The following ZNF395 variants were observed in gnomAD, a reference collection of about 807,000 sequenced individuals.
The protein encoded by ZNF395 is HD gene regulatory region-binding protein 2.
Under a neutral mutation model 57.7 loss-of-function variants are expected in ZNF395, and 20 were observed. The ratio of observed to expected loss-of-function variants is 0.35; its 90% CI spans 0.24 to 0.50. The LOEUF is 0.50. ZNF395 is among the 20% of genes least tolerant of loss of function. The pLI is 0.97. For synonymous variants in ZNF395, 295 were observed against 275.9 expected (o/e 1.07, Z -0.69); for missense variants, 606 against 671.2 (o/e 0.90, Z 1.07).
At chr8:28,353,107 C>G in intron 5 of ZNF395, 66 bp downstream of exon 5, 1 of 1,527,670 alleles carries the variant, frequency 6.5e-7, no homozygotes, top group East Asian at 2.3e-5. Context: ...CTCTCCACGG[C>G]TGGCTGTCCC....
intron 1 of ZNF395, among the ~76,000 whole-genome samples, chr8:28,382,539 G>A (rs1448919416): frequency 6.6e-6 from 1 of 152,048 alleles, no homozygotes; most frequent in East Asian, 1.9e-4. Flanking sequence ...GTTCATCCCA[G>A]ACTTCCTTCC....
At position 28,363,700 on chromosome 8, in the gene ZNF395, C is replaced by T. The variant is rs139872234; in HGVS notation, c.-58-2518G>A. On this transcript the variant is annotated intron_variant, in intron 1 of 9. Coordinates refer to ENST00000344423, the MANE Select transcript of ZNF395 (RefSeq NM_018660.3). ...AGCAGGAAGTTTGGGGTTTCTACCA[C>T]TGAAAATGAAGAAAGGGTAGTATTT... is the stretch of plus-strand genomic sequence containing the variant. 2.4e-4 allele frequency among the ~76,000 whole-genome samples: 37 copies of T among 152,318 alleles called. 1 individual carries two copies. The East Asian group carries it at 5.8e-3, about 24-fold the overall frequency.
intron 1 of ZNF395, among the ~76,000 whole-genome samples, chr8:28,372,778 C>G (rs1231021944): frequency 6.6e-6 from 1 of 152,112 alleles, no homozygotes; most frequent in African/African-American, 2.4e-5. Flanking sequence ...AGAGTGAGAC[C>G]CTGTCTCAGG....
intron 1 of ZNF395, among the ~76,000 whole-genome samples, chr8:28,385,726 G>A (rs1802169982): frequency 6.7e-6 from 1 of 148,672 alleles, no homozygotes; most frequent in Non-Finnish European, 1.5e-5. Flanking sequence ...TCCCTGCGAG[G>A]GGCGAGTCCC....
At position 28,356,617 on chromosome 8, in the gene ZNF395, T is replaced by C; in HGVS notation, c.583+53A>G. ...AACTAGCTGCTCTGCACAGAGGATG[T>C]TTGTCGTGGGCCTCTACCATGCCCA... is the stretch of plus-strand genomic sequence containing the variant. On this transcript the variant is annotated intron_variant, in intron 4 of 9. Coordinates refer to ENST00000344423, the MANE Select transcript of ZNF395 (RefSeq NM_018660.3). The surrounding 1 kb of genome is among the most constrained non-coding windows in gnomAD (Gnocchi z 4.0). 2 of 1,400,142 alleles carry C rather than the reference T, an allele frequency of 1.4e-6. No individual in the cohort carries two copies. Among genetic ancestry groups the C allele is most frequent in the Non-Finnish European group, 2.0e-6 (2 of 995,350 alleles). The allele number at this position is 1,400,142 out of a possible 1,614,324, so 86.7% of individuals were successfully genotyped here.
rs767638179 is a variant in ZNF395 at position 28,349,215 on chromosome 8, G to A, written c.1340C>T (p.Ser447Leu). 1.9e-5 allele frequency: 30 copies of A among 1,550,306 alleles called. No homozygotes were observed. Among genetic ancestry groups the A allele is most frequent in the South Asian group, 1.2e-4 (10 of 81,108 alleles). ...CTGCTGGGGCTCGCTGAAGCTTAGC[G>A]ACCGGCTCCGGACCTGGGCGTGGGG... Reference protein sequence around the residue: ...ACSLSPVRSRSLSFSEPQQPA... With the variant: ...ACSLSPVRSRLLSFSEPQQPA... The change falls in exon 9 of 10, where the codon TCG (serine) becomes TTG (leucine). Residue 447 changes from serine (S) to leucine (L), a missense_variant. Physicochemically the swap from Ser to Leu is moderately radical, Grantham distance 145. This residue lies in a region of ZNF395 where 261 missense variants were observed against 240.3 expected (regional missense o/e 1.09). Transcript: ENST00000344423.
intron 3 of ZNF395, among the ~76,000 whole-genome samples, chr8:28,358,747 A>G (rs1585855038): frequency 6.6e-6 from 1 of 152,212 alleles, no homozygotes; most frequent in African/African-American, 2.4e-5. Flanking sequence ...AAATTAAAAG[A>G]AGGATATAAT....
intron 1 of ZNF395, among the ~76,000 whole-genome samples, chr8:28,371,299 A>G (rs927393886): frequency 2.0e-5 from 3 of 151,886 alleles, no homozygotes; most frequent in Non-Finnish European, 4.4e-5. Flanking sequence ...TGCCACCTCA[A>G]CCTCCCAAAT....
intron 1 of ZNF395, among the ~76,000 whole-genome samples, chr8:28,377,506 C>T (rs1158244496): frequency 6.6e-6 from 1 of 152,064 alleles, no homozygotes; most frequent in African/African-American, 2.4e-5. Flanking sequence ...AATTGATCTG[C>T]CCTGTATTCT....
At chr8:28,385,888 C>G (rs1378483297) in intron 1 of ZNF395, 3 of 146,554 alleles carry the variant, frequency 2.0e-5, no homozygotes, top group African/African-American at 7.3e-5. Flanking sequence ...CCCGGCCTCC[C>G]AGACCCCCGG....
At chr8:28,353,990 C>G (rs1801750493) in intron 4 of ZNF395, among the ~76,000 whole-genome samples, 1 of 152,224 alleles carries the variant, frequency 6.6e-6, no homozygotes, top group Non-Finnish European at 1.5e-5. Context: ...GTGGGTGGAA[C>G]AAACAACTCA....
At chr8:28,372,657 T>A (rs1801991902) in intron 1 of ZNF395, among the ~76,000 whole-genome samples, 1 of 152,128 alleles carries the variant, frequency 6.6e-6, no homozygotes, top group Admixed American at 6.6e-5. Context: ...CGTGGTAGCA[T>A]GTGCCTGCAG....
intron 1 of ZNF395, 49 bp from the exon 2 acceptor site, chr8:28,361,231 C>T: frequency 6.6e-7 from 1 of 1,504,092 alleles, no homozygotes; most frequent in South Asian, 1.2e-5. Flanking sequence ...CAGCAGGAGC[C>T]AGGAAGGGTC....
chr8:28,377,431 A>G (rs1802054827), intron 1 of ZNF395, among the ~76,000 whole-genome samples: 1 of 152,100 alleles, frequency 6.6e-6, no homozygotes, highest in Admixed American at 6.5e-5. Flanking sequence ...TCAAATTACA[A>G]ATTTATTGTC....
intron 9 of ZNF395, 141 bp from the exon 10 acceptor site, chr8:28,348,971 GAGGACCAAACAGT>G: frequency 1.7e-6 from 2 of 1,159,046 alleles, no homozygotes; most frequent in Non-Finnish European, 2.5e-6. Context: ...CAGAGGCTCT[GAGGACCAAACAGT>G]CATCCCATCT....
Position 28,352,734 on chromosome 8 carries a change from T to C in ZNF395, c.820-61A>G. 6.8e-7 allele frequency: 1 copy of C among 1,481,234 alleles called. No homozygotes were observed. The highest frequency in any genetic ancestry group is 9.4e-7 in the Non-Finnish European group (1 of 1,063,644). 91.8% of individuals were successfully genotyped at this position (1,481,234 alleles called of 1,614,324 possible). A position where few individuals can be genotyped will look rare whatever the true frequency, so the allele number is the denominator to read the frequency against. ...TTTCTCCTTATCCCTCGCTCAACCT[T>C]ACCCAGTGGGGACTCAAACTGGCTG... is the stretch of plus-strand genomic sequence containing the variant. On this transcript the variant is annotated intron_variant, in intron 5 of 9. Coordinates refer to ENST00000344423, the MANE Select transcript of ZNF395 (RefSeq NM_018660.3). The surrounding 1 kb of genome is among the most constrained non-coding windows in gnomAD (Gnocchi z 4.0).
chr8:28,348,912 G>A, intron 9 of ZNF395, 82 bp from the exon 10 acceptor site: 1 of 1,458,116 alleles, frequency 6.9e-7, no homozygotes, highest in Non-Finnish European at 9.6e-7. Context: ...GGGAGAACAA[G>A]CAGAGGCCAA....
intron 1 of ZNF395, among the ~76,000 whole-genome samples, chr8:28,381,027 G>A (rs1168637651): frequency 7.1e-6 from 1 of 140,820 alleles, no homozygotes; most frequent in Non-Finnish European, 1.5e-5. Flanking sequence ...GTGTGTGTGT[G>A]TGTGTGTGTG....
chr8:28,351,331 T>A, intron 7 of ZNF395, 164 bp downstream of exon 7: 2 of 694,842 alleles, frequency 2.9e-6, no homozygotes, highest in Non-Finnish European at 4.5e-6. Context: ...AATTCCCACA[T>A]TTATTGAGCA....
Sources: gnomAD v4.1 joint callset for allele counts (sites outside exome capture counted in the v4.1 genomes callset) on GRCh38, gnomAD v4.1.1 for gene constraint, gnomAD v4.1.1 regional missense constraint, Gnocchi (gnomAD v3.1) non-coding constraint, MANE v1.5 for transcripts, NCBI Gene and HGNC (gene_info 2026-07-23, HGNC 2026-07-21) for gene names.